FMNL2: variants seen among roughly 807,000 people sequenced by gnomAD.
FMNL2 encodes the protein formin like 2, also known as formin-like protein 2.
A neutral mutation model predicts 130.2 loss-of-function variants in FMNL2; 51 were observed. The ratio of observed to expected loss-of-function variants is 0.39; its 90% CI spans 0.31 to 0.49. FMNL2 has a LOEUF of 0.49. Ranked by LOEUF, FMNL2 falls within the 20% of genes least tolerant of loss-of-function variation. The pLI is 0.85. For synonymous variants in FMNL2, 465 were observed against 467.1 expected (o/e 1.00, Z 0.06); for missense variants, 977 against 1,316.2 (o/e 0.74, Z 3.99).
intron 8 of FMNL2, among the ~76,000 whole-genome samples, chr2:152,579,385 T>G (rs546874114): frequency 2.0e-5 from 3 of 152,330 alleles, no homozygotes; most frequent in African/African-American, 7.2e-5. Context: ...TAGCTTTAAT[T>G]ACTGAACGAA....
At chr2:152,385,350 G>A (rs1199517529) in intron 1 of FMNL2, among the ~76,000 whole-genome samples, 2 of 152,094 alleles carry the variant, frequency 1.3e-5, no homozygotes, top group African/African-American at 4.8e-5. Context: ...GGAGGCTGGG[G>A]ATGGGAAAAT....
intron 18 of FMNL2, 122 bp downstream of exon 18, chr2:152,628,655 C>G (rs1315808967): frequency 2.5e-6 from 2 of 791,108 alleles, no homozygotes; most frequent in African/African-American, 3.5e-5. Flanking sequence ...CCAGAACTTT[C>G]TAAATTGCAT....
chr2:152,340,630 A>G (rs1346783191), intron 1 of FMNL2, among the ~76,000 whole-genome samples: 1 of 152,252 alleles, frequency 6.6e-6, no homozygotes, highest in Non-Finnish European at 1.5e-5. Flanking sequence ...CTGTCAGTGC[A>G]ACGCATATAC....
intron 1 of FMNL2, among the ~76,000 whole-genome samples, chr2:152,483,881 GAAA>G (rs958360477): frequency 6.6e-6 from 1 of 152,146 alleles, no homozygotes; most frequent in Non-Finnish European, 1.5e-5. Flanking sequence ...TGGAGAGGGG[GAAA>G]AAAACCCAAA....
intron 21 of FMNL2, among the ~76,000 whole-genome samples, chr2:152,635,852 G>GCCC (rs768017532): frequency 6.6e-6 from 1 of 152,198 alleles, no homozygotes; most frequent in African/African-American, 2.4e-5. Context: ...ACAAAAGGCT[G>GCCC]CCCCCTGCTG....
intron 1 of FMNL2, among the ~76,000 whole-genome samples, chr2:152,501,110 A>G (rs1691806923): frequency 6.6e-6 from 1 of 152,238 alleles, no homozygotes; most frequent in Non-Finnish European, 1.5e-5. Flanking sequence ...TAAAAGTTTT[A>G]CAGGCAGTAA....
chr2:152,375,394 G>A (rs1264365671), intron 1 of FMNL2, among the ~76,000 whole-genome samples: 1 of 152,226 alleles, frequency 6.6e-6, no homozygotes, highest in African/African-American at 2.4e-5. Context: ...GGTAGGTTAT[G>A]AGGATTAAGT....
chr2:152,486,569 C>T (rs1362733942), intron 1 of FMNL2, among the ~76,000 whole-genome samples: 1 of 152,086 alleles, frequency 6.6e-6, no homozygotes, highest in Non-Finnish European at 1.5e-5. Context: ...CACTTTCTTC[C>T]TTTGGCTTTT....
chr2:152,366,826 C>G (rs1683583626), intron 1 of FMNL2, among the ~76,000 whole-genome samples: 1 of 151,954 alleles, frequency 6.6e-6, no homozygotes, highest in South Asian at 2.1e-4. Context: ...ATTAGCCAGG[C>G]TTGGTGGTGT....
At chr2:152,616,759 G>A (rs917730302) in intron 12 of FMNL2, among the ~76,000 whole-genome samples, 1 of 152,120 alleles carries the variant, frequency 6.6e-6, no homozygotes, top group African/African-American at 2.4e-5. Flanking sequence ...GGCATGGAGT[G>A]GGGGATGGAG....
intron 1 of FMNL2, among the ~76,000 whole-genome samples, chr2:152,410,833 A>G (rs896947827): frequency 6.6e-6 from 1 of 152,232 alleles, no homozygotes; most frequent in African/African-American, 2.4e-5. Context: ...GGAGAGAAGT[A>G]TAAATGTTGT....
chr2:152,402,165 G>A (rs1685741218), intron 1 of FMNL2, among the ~76,000 whole-genome samples: 3 of 152,118 alleles, frequency 2.0e-5, no homozygotes, highest in African/African-American at 7.2e-5. Flanking sequence ...GCCTCCCAAA[G>A]TGCTGAGATT....
At chr2:152,633,784 G>A (rs1682352389) in intron 21 of FMNL2, among the ~76,000 whole-genome samples, 1 of 152,202 alleles carries the variant, frequency 6.6e-6, no homozygotes. Context: ...TGACCAATGG[G>A]TACTAATTCA....
intron 1 of FMNL2, among the ~76,000 whole-genome samples, chr2:152,494,735 G>A (rs751124271): frequency 6.6e-6 from 1 of 152,152 alleles, no homozygotes; most frequent in East Asian, 1.9e-4. Flanking sequence ...AAAATAAAAA[G>A]TTAGATGTAG....
At chr2:152,363,430 T>G (rs1683296219) in intron 1 of FMNL2, among the ~76,000 whole-genome samples, 1 of 152,370 alleles carries the variant, frequency 6.6e-6, no homozygotes, top group Non-Finnish European at 1.5e-5. Context: ...CTTTGGGGAC[T>G]TTTACTAAGA....
At chr2:152,453,844 G>A (rs1021258794) in intron 1 of FMNL2, among the ~76,000 whole-genome samples, 1 of 152,172 alleles carries the variant, frequency 6.6e-6, no homozygotes, top group Admixed American at 6.5e-5. Context: ...TGCCCCAAAT[G>A]TGCTCTCGTG....
At chr2:152,507,409 T>G (rs891038189) in intron 1 of FMNL2, among the ~76,000 whole-genome samples, 100 of 152,230 alleles carry the variant, frequency 6.6e-4, no homozygotes, top group African/African-American at 2.4e-3. Flanking sequence ...TAAAGTTTAT[T>G]GAACACTTAT....
chr2:152,424,356 T>C (rs1687070070), intron 1 of FMNL2, among the ~76,000 whole-genome samples: 1 of 152,024 alleles, frequency 6.6e-6, no homozygotes, highest in Non-Finnish European at 1.5e-5. Flanking sequence ...GATTTATTAA[T>C]TGATTGATTT....
chr2:152,426,289 A>G lies in FMNL2; in HGVS notation c.117+90569A>G, dbSNP rs143369745. Among the ~76,000 whole-genome samples the G allele has an allele frequency of 1.8e-3, 272 of 152,320 alleles. 2 individuals carry two copies. The highest frequency in any genetic ancestry group is 6.3e-3 in the African/African-American group (260 of 41,560). Reference sequence around the variant, plus strand: ...TAACAGCTGTTATTAGGAGTAAGTCAGACAGGGTACTTGTGTATTTAGAAG... The same window carrying G: ...TAACAGCTGTTATTAGGAGTAAGTCGGACAGGGTACTTGTGTATTTAGAAG... On this transcript the variant is annotated intron_variant, in intron 1 of 25. Transcript: ENST00000288670.
Sources: allele counts gnomAD v4.1 joint callset (sites outside exome capture counted in the v4.1 genomes callset), GRCh38; gene constraint gnomAD v4.1.1; transcripts MANE v1.5; gene names NCBI Gene and HGNC (gene_info 2026-07-23, HGNC 2026-07-21).